Variants in GFRA1 observed in about 807,000 individuals in gnomAD.
The protein encoded by GFRA1 is GDNF family receptor alpha-1.
Under a neutral mutation model 51.6 loss-of-function variants are expected in GFRA1, and 16 were observed. That is an observed-to-expected ratio of 0.31 (90% confidence interval 0.21 to 0.47). The LOEUF (loss-of-function observed/expected upper bound fraction) is 0.47. GFRA1 is among the 20% of genes least tolerant of loss of function. GFRA1 has a pLI of 1.00. For missense variants in GFRA1, 530 were observed against 594.3 expected (o/e 0.89, Z 1.13); for synonymous variants, 270 against 241.3 (o/e 1.12, Z -1.10).
intron 4 of GFRA1, among the ~76,000 whole-genome samples, chr10:116,228,677 C>A (rs1966477978): frequency 1.3e-5 from 2 of 151,936 alleles, no homozygotes; most frequent in Non-Finnish European, 2.9e-5. Flanking sequence ...GGGAGGGAAG[C>A]CACAAGTCAA....
At chr10:116,155,175 CATATTAAAAATAGGGAAAT>C (rs1364111846) in intron 5 of GFRA1, among the ~76,000 whole-genome samples, 20 of 152,126 alleles carry the variant, frequency 1.3e-4, no homozygotes, top group African/African-American at 4.3e-4. Flanking sequence ...TTATAATTCC[CATATTAAAAATAGGGAAAT>C]AGATTTAAAA....
intron 6 of GFRA1, among the ~76,000 whole-genome samples, chr10:116,123,933 G>A (rs1189354727): frequency 6.6e-6 from 1 of 152,194 alleles, no homozygotes; most frequent in Non-Finnish European, 1.5e-5. Context: ...TTTTGAGACA[G>A]GGTCTCACTC....
intron 5 of GFRA1, among the ~76,000 whole-genome samples, chr10:116,143,651 A>G (rs573184243): frequency 3.0e-5 from 2 of 65,996 alleles, no homozygotes; most frequent in Admixed American, 3.2e-4. Flanking sequence ...TCCTAGTTTC[A>G]TTCATTCTCT....
At chr10:116,182,130 G>T (rs1294758342) in intron 5 of GFRA1, among the ~76,000 whole-genome samples, 1 of 151,958 alleles carries the variant, frequency 6.6e-6, no homozygotes, top group Non-Finnish European at 1.5e-5. Context: ...AGATGGGGAG[G>T]GCAAAGGTTG....
At chr10:116,066,944 A>T (rs1447488833) in intron 9 of GFRA1, among the ~76,000 whole-genome samples, 1 of 152,240 alleles carries the variant, frequency 6.6e-6, no homozygotes, top group Admixed American at 6.5e-5. Flanking sequence ...AGCTAAAATG[A>T]TAGCATGTTC....
At chr10:116,274,168 GC>G (rs1844135522), upstream of GFRA1, among the ~76,000 whole-genome samples, 12 of 132,050 alleles carry the variant, frequency 9.1e-5, no homozygotes, top group South Asian at 3.0e-3. Context: ...CTCACCCCCC[GC>G]CCCCCACGCC....
At chr10:116,152,746 G>C (rs1255607520) in intron 5 of GFRA1, among the ~76,000 whole-genome samples, 1 of 152,192 alleles carries the variant, frequency 6.6e-6, no homozygotes, top group Admixed American at 6.5e-5. Flanking sequence ...AGTGTCTTTT[G>C]TTTTGATGAT....
chr10:116,274,561 C>A (rs1297495285), upstream of GFRA1, among the ~76,000 whole-genome samples: 1 of 152,190 alleles, frequency 6.6e-6, no homozygotes, highest in African/African-American at 2.4e-5. Flanking sequence ...CGCCCCTCGG[C>A]TGCAGCGGCT....
intron 5 of GFRA1, among the ~76,000 whole-genome samples, chr10:116,171,320 C>T (rs2134228966): frequency 6.6e-6 from 1 of 152,256 alleles, no homozygotes; most frequent in Admixed American, 6.5e-5. Flanking sequence ...AATGAGGATT[C>T]CATTTTAAGC....
intron 5 of GFRA1, among the ~76,000 whole-genome samples, chr10:116,207,476 T>C (rs1469564808): frequency 1.3e-5 from 2 of 152,206 alleles, no homozygotes; most frequent in Admixed American, 1.3e-4. Context: ...TAGCCACCCA[T>C]GGCAAATGGG....
At chr10:116,079,584 A>G (rs1441699529) in intron 9 of GFRA1, among the ~76,000 whole-genome samples, 2 of 152,056 alleles carry the variant, frequency 1.3e-5, no homozygotes, top group Non-Finnish European at 2.9e-5. Flanking sequence ...CAGTGCTGAA[A>G]GGACATTTTT....
chr10:116,065,483 C>T, intron 10 of GFRA1, 90 bp downstream of exon 10: 1 of 1,040,126 alleles, frequency 9.6e-7, no homozygotes, highest in Non-Finnish European at 1.5e-6. Context: ...ACCTTCTTGT[C>T]TTTGAATGCT....
chr10:116,132,380 T>C (rs780070524), intron 5 of GFRA1, among the ~76,000 whole-genome samples: 6 of 150,586 alleles, frequency 4.0e-5, no homozygotes, highest in Admixed American at 6.7e-5. Context: ...CATTCAGATG[T>C]GAATATGGAA....
intron 6 of GFRA1, among the ~76,000 whole-genome samples, chr10:116,119,758 C>T (rs981872910): frequency 2.0e-5 from 3 of 152,196 alleles, no homozygotes; most frequent in Non-Finnish European, 4.4e-5. Context: ...TCCAGGCAAA[C>T]GAAACACATT....
intron 4 of GFRA1, among the ~76,000 whole-genome samples, chr10:116,238,653 G>A (rs879400005): frequency 2.0e-5 from 3 of 152,126 alleles, no homozygotes; most frequent in African/African-American, 4.8e-5. Flanking sequence ...GTTGTAATCC[G>A]CTCAATGAAG....
chr10:116,205,585 G>GA lies in GFRA1; in HGVS notation c.433+6045dup, dbSNP rs57517925. Among the ~76,000 whole-genome samples, 191 of 121,900 alleles carry GA rather than the reference G, an allele frequency of 1.6e-3. 1 individual carries two copies. Among genetic ancestry groups the GA allele is most frequent in the African/African-American group, 4.9e-3 (174 of 35,292 alleles). 80.0% of individuals were successfully genotyped at this position (121,900 alleles called of 152,430 possible). On this transcript the variant is annotated intron_variant, in intron 5 of 10. Transcript: ENST00000355422. ...CTAGACTTCATCTCAAAAAAGAAAG[G>GA]AAAAAAAAAAGATATATATATATAT... is the stretch of plus-strand genomic sequence containing the variant.
At chr10:116,270,755 C>T in intron 3 of GFRA1, 67 bp downstream of exon 3, 1 of 1,355,856 alleles carries the variant, frequency 7.4e-7, no homozygotes, top group South Asian at 1.3e-5. Context: ...TCAGCTGGCC[C>T]AGGGACGAAA....
At chr10:116,264,219 C>A (rs575399726) in intron 4 of GFRA1, among the ~76,000 whole-genome samples, 4 of 152,184 alleles carry the variant, frequency 2.6e-5, no homozygotes, top group African/African-American at 9.7e-5. Context: ...GGGACCAACA[C>A]TGGCTCCCCC....
At position 116,163,538 on chromosome 10, in the gene GFRA1, T is replaced by C. The variant is rs534224323; in HGVS notation, c.434-37981A>G. ...GCATCTTGAAATTCATGCAAATTCA[T>C]GAATAAATACAATTTGCTCATTGGA... On this transcript the variant is annotated intron_variant, in intron 5 of 10. Transcript: ENST00000355422. Among the ~76,000 whole-genome samples the C allele has an allele frequency of 2.0e-5, 3 of 152,348 alleles. No individual in the cohort carries two copies. The East Asian group carries it at 5.8e-4, about 29-fold the overall frequency.
Sources: gnomAD v4.1 joint callset for allele counts (sites outside exome capture counted in the v4.1 genomes callset) on GRCh38, gnomAD v4.1.1 for gene constraint, MANE v1.5 for transcripts, NCBI Gene and HGNC (gene_info 2026-07-23, HGNC 2026-07-21) for gene names.